Variants in MEF2C observed in about 807,000 individuals in gnomAD.
MEF2C encodes myocyte-specific enhancer factor 2C.
A neutral mutation model predicts 50.5 loss-of-function variants in MEF2C; 6 were observed. That is an observed-to-expected ratio of 0.12 (90% CI 0.07 to 0.23). The LOEUF is 0.23. Ranked by LOEUF, MEF2C falls within the 10% of genes least tolerant of loss-of-function variation. MEF2C has a pLI of 1.00. For synonymous variants in MEF2C, 183 were observed against 228.0 expected, an observed-to-expected ratio of 0.80 and a Z score of 1.78; for missense variants, 276 against 605.0, an observed-to-expected ratio of 0.46 and a Z score of 5.70.
At chr5:88,861,201 T>A (rs1825385904) in intron 1 of MEF2C, among the ~76,000 whole-genome samples, 1 of 152,244 alleles carries the variant, frequency 6.6e-6, no homozygotes, top group Non-Finnish European at 1.5e-5. Context: ...TGTAGAGATT[T>A]TGAATGTTCC....
chr5:88,850,882 C>T (rs530068116), intron 1 of MEF2C, among the ~76,000 whole-genome samples: 3 of 152,064 alleles, frequency 2.0e-5, no homozygotes, highest in South Asian at 2.1e-4. Context: ...CCCCTCTCTT[C>T]GTCGTCTTCA....
chr5:88,751,269 G>A (rs989008964), intron 5 of MEF2C: 5 of 985,444 alleles, frequency 5.1e-6, no homozygotes, highest in Non-Finnish European at 6.0e-6. Flanking sequence ...TAAAAGTGCA[G>A]AGACAAATTT....
rs950842424 is a variant in MEF2C, at chr5:88,747,333, C to CTTTTTTTTTTTTTT, written c.637+1723_637+1736dup. Among the ~76,000 whole-genome samples the CTTTTTTTTTTTTTT allele has an allele frequency of 1.8e-4, 4 of 21,748 alleles. 1 individual carries two copies. Among genetic ancestry groups the CTTTTTTTTTTTTTT allele is most frequent in the African/African-American group, 2.2e-4 (2 of 9,050 alleles). 14.3% of individuals were successfully genotyped at this position (21,748 alleles called of 152,430 possible). A position where few individuals can be genotyped will look rare whatever the true frequency, so the allele number is the denominator to read the frequency against. ...CTCCACATTTTTTTTTTTTTTACTA[C>CTTTTTTTTTTTTTT]TTTTTTTTTTTTTTTTTTTTTTTTT... On this transcript the variant is annotated intron_variant, in intron 6 of 10. Transcript: ENST00000504921.
chr5:88,763,570 T>C (rs1457523883), intron 3 of MEF2C, among the ~76,000 whole-genome samples: 3 of 152,172 alleles, frequency 2.0e-5, no homozygotes, highest in Non-Finnish European at 4.4e-5. Context: ...TTCATTTGTA[T>C]AGAGAAAAAT....
At position 88,787,485 on chromosome 5, in the gene MEF2C, C is replaced by A. The variant is rs657330; in HGVS notation, c.258+17113G>T. 7.2e-3 allele frequency among the ~76,000 whole-genome samples: 1,092 copies of A among 152,252 alleles called. 14 individuals carry two copies. Among genetic ancestry groups the A allele is most frequent in the African/African-American group, 0.025 (1,053 of 41,552 alleles). On this transcript the variant is annotated intron_variant, in intron 3 of 10. Transcript: ENST00000504921. ...AAGCCCAGCAAGGTTACATAACTCG[C>A]CCTCCGTTAGAGAATGAGAGTGTGT...
intron 2 of MEF2C, among the ~76,000 whole-genome samples, chr5:88,805,686 C>T (rs975864574): frequency 2.0e-5 from 3 of 152,106 alleles, no homozygotes; most frequent in African/African-American, 7.2e-5. Context: ...ACAGCTCCCT[C>T]TCCCTGGCTT....
intron 6 of MEF2C, chr5:88,740,604 A>G (rs1350185899): frequency 1.0e-6 from 1 of 985,052 alleles, no homozygotes; most frequent in Non-Finnish European, 1.2e-6. Context: ...TACAAAAGCC[A>G]GATGTCTGAG....
intron 1 of MEF2C, among the ~76,000 whole-genome samples, chr5:88,856,073 G>C (rs1375411229): frequency 1.3e-5 from 2 of 152,192 alleles, no homozygotes; most frequent in African/African-American, 2.4e-5. Context: ...TATGGACAAT[G>C]AAATCCAGGC....
chr5:88,775,476 T>A (rs1784332903), intron 3 of MEF2C, among the ~76,000 whole-genome samples: 1 of 152,194 alleles, frequency 6.6e-6, no homozygotes, highest in African/African-American at 2.4e-5. Context: ...ATATAATTCA[T>A]AAGAAATATT....
intron 1 of MEF2C, among the ~76,000 whole-genome samples, chr5:88,862,216 C>A (rs186051189): frequency 2.0e-5 from 3 of 152,130 alleles, no homozygotes; most frequent in Non-Finnish European, 4.4e-5. Context: ...AGGCTTCCTA[C>A]GAAATAATAA....
chr5:88,823,290 C>T (rs1315847065), intron 2 of MEF2C, among the ~76,000 whole-genome samples: 4 of 151,998 alleles, frequency 2.6e-5, no homozygotes, highest in Non-Finnish European at 5.9e-5. Context: ...TTCAAAATCT[C>T]ATTTACTATG....
chr5:88,815,600 T>A (rs76536433), intron 2 of MEF2C, among the ~76,000 whole-genome samples: 1 of 152,238 alleles, frequency 6.6e-6, no homozygotes, highest in African/African-American at 2.4e-5. Context: ...CTTAATGATG[T>A]CATTTACTTA....
At chr5:88,766,507 G>T (rs1454140011) in intron 3 of MEF2C, 1 of 257,154 alleles carries the variant, frequency 3.9e-6, no homozygotes, top group Non-Finnish European at 6.1e-6. Context: ...TTATATTAAT[G>T]CTATTTAAGT....
intron 1 of MEF2C, among the ~76,000 whole-genome samples, chr5:88,837,141 T>C (rs966042082): frequency 1.3e-5 from 2 of 152,118 alleles, no homozygotes; most frequent in Admixed American, 6.6e-5. Context: ...ATTTCAGATA[T>C]CCCTTGGAAA....
intron 3 of MEF2C, among the ~76,000 whole-genome samples, chr5:88,784,355 C>T (rs957268531): frequency 3.3e-5 from 5 of 152,174 alleles, no homozygotes; most frequent in African/African-American, 9.6e-5. Context: ...TTTACTGTAA[C>T]AAAATTTTTT....
intron 1 of MEF2C, among the ~76,000 whole-genome samples, chr5:88,866,994 A>T (rs1041282963): frequency 6.6e-6 from 1 of 152,256 alleles, no homozygotes; most frequent in African/African-American, 2.4e-5. Flanking sequence ...GTCACTAGAC[A>T]GTGATGACAT....
Position 88,718,773 on chromosome 5 carries a change from T to G in MEF2C, c.*3831A>C, listed in dbSNP as rs899606008. 1.3e-5 allele frequency: 2 copies of G among 152,236 alleles called. No individual in the cohort carries two copies. Among genetic ancestry groups the G allele is most frequent in the Non-Finnish European group, 2.9e-5 (2 of 68,046 alleles). The allele number at this position is 152,236 out of a possible 1,614,324, so 9.4% of individuals were successfully genotyped here. ...ATGAAAATAACCAAAATGGAAAAATTTGATGTAGAAGATATGTGGCTTGGA... is the reference window on the plus strand; with the variant it reads ...ATGAAAATAACCAAAATGGAAAAATGTGATGTAGAAGATATGTGGCTTGGA... On this transcript the variant is annotated 3_prime_UTR_variant, in exon 11 of 11. Coordinates refer to ENST00000504921, the MANE Select transcript of MEF2C (RefSeq NM_002397.5).
intron 3 of MEF2C, among the ~76,000 whole-genome samples, chr5:88,782,817 G>A (rs1010333456): frequency 2.6e-5 from 4 of 152,166 alleles, no homozygotes; most frequent in African/African-American, 9.7e-5. Flanking sequence ...TTTACTGCTC[G>A]AGACCACGGA....
rs912667421 is a variant in MEF2C at position 88,801,538 on chromosome 5, G to A, written c.258+3060C>T. On this transcript the variant is annotated intron_variant, in intron 3 of 10. Coordinates refer to ENST00000504921, the MANE Select transcript of MEF2C (RefSeq NM_002397.5). ...GACGGAGTCTCACCCTGTCGCCTGC[G>A]CCAGAGTGCAGTGGCGCGATCTCGG... is the stretch of plus-strand genomic sequence containing the variant. Among the ~76,000 whole-genome samples, 5 of 149,960 alleles carry A rather than the reference G, an allele frequency of 3.3e-5. No homozygotes were observed. In the Middle Eastern group the frequency reaches 0.01, roughly 310 times the overall value.
Sources: allele counts gnomAD v4.1 joint callset (sites outside exome capture counted in the v4.1 genomes callset), GRCh38; gene constraint gnomAD v4.1.1; transcripts MANE v1.5; gene names NCBI Gene and HGNC (gene_info 2026-07-23, HGNC 2026-07-21).